The following RIF1 variants were observed in gnomAD, a reference collection of about 807,000 sequenced individuals.
RIF1 encodes the protein replication timing regulatory factor 1, also known as telomere-associated protein RIF1.
Under a neutral mutation model 247.1 loss-of-function variants are expected in RIF1, and 45 were observed. That is an observed-to-expected ratio of 0.18 (90% CI 0.14 to 0.23). The LOEUF (loss-of-function observed/expected upper bound fraction) is 0.23, where lower values mean the gene tolerates loss of function less well. Among genes scored for constraint, RIF1 ranks in the 10% least tolerant of loss-of-function variants. The pLI, the probability that RIF1 is intolerant of heterozygous loss-of-function variation, is 1.00. For missense variants in RIF1, 2,967 were observed against 2,862.5 expected (o/e 1.04, Z -0.83); for synonymous variants, 1,087 against 978.8 (o/e 1.11, Z -2.06).
At chr2:151,489,877 G>T in intron 9 of RIF1, 1 of 897,294 alleles carries the variant, frequency 1.1e-6, no homozygotes, top group Non-Finnish European at 1.7e-6. Context: ...AGAAGGTTTG[G>T]TTAAAAAAAA....
At chr2:151,509,979 CAA>C (rs2072810003), downstream of RIF1, among the ~76,000 whole-genome samples, 1 of 152,186 alleles carries the variant, frequency 6.6e-6, no homozygotes, top group Non-Finnish European at 1.5e-5. Context: ...CTCAAAATTA[CAA>C]AGTTTTTCAG....
In RIF1 at chr2:151,437,127, TC is replaced by T. The variant is rs2152342396; in HGVS notation, c.1373-113del. On this transcript the variant is annotated intron_variant, in intron 12 of 35. Transcript: ENST00000444746. Reference sequence around the variant, plus strand: ...TTTACAGTTGTGTATGAAATATGAATCTTTTTTTTATAGAAAACACACCTAC... The same window carrying T: ...TTTACAGTTGTGTATGAAATATGAATTTTTTTTTATAGAAAACACACCTAC... 1.2e-5 allele frequency: 15 copies of T among 1,217,790 alleles called. No homozygotes were observed. In the South Asian group the frequency reaches 1.6e-4, roughly 13 times the overall value. The allele number at this position is 1,217,790 out of a possible 1,614,324, so 75.4% of individuals were successfully genotyped here. A position where few individuals can be genotyped will look rare whatever the true frequency, so the allele number is the denominator to read the frequency against.
chr2:151,487,371 TG>T (rs1392978481), intron 9 of RIF1, among the ~76,000 whole-genome samples: 2 of 152,236 alleles, frequency 1.3e-5, no homozygotes, highest in African/African-American at 4.8e-5. Context: ...GGTTTTTTCT[TG>T]CATTTTGAAA....
In RIF1 at chr2:151,463,161, C is replaced by G. The variant is rs772001320; in HGVS notation, c.3641C>G (p.Pro1214Arg). ...NTTVAGTPPY[P>R]TSRRQTFITL... is the part of the protein sequence containing the mutation. ...ACTGTTGCTGGAACTCCCCCATACC[C>G]TACAAGTCGGAGGCAAACCTTTATT... Residue 1214 changes from proline (P) to arginine (R), a missense_variant, in exon 30 of 36, where the codon CCT becomes CGT. Physicochemically the swap from Pro to Arg is moderately radical, Grantham distance 103. Transcript: ENST00000444746. The G allele has an allele frequency of 9.9e-6, 16 of 1,614,104 alleles. No individual in the cohort carries two copies. The South Asian group carries it at 1.6e-4, about 17-fold the overall frequency.
chr2:151,473,290 TC>T (rs1377210343), intron 34 of RIF1, among the ~76,000 whole-genome samples: 2 of 144,180 alleles, frequency 1.4e-5, no homozygotes, highest in African/African-American at 2.5e-5. Context: ...GAAAATTGTA[TC>T]CTTTTTTTTT....
the RIF1 span, among the ~76,000 whole-genome samples, chr2:151,526,510 C>T: frequency 1.8e-4 from 27 of 152,280 alleles, no homozygotes; most frequent in African/African-American, 5.8e-4. Context: ...TCACAGCACG[C>T]TCAGATATGC....
At chr2:151,518,892 C>T in the RIF1 span, 4 of 929,318 alleles carry the variant, frequency 4.3e-6, no homozygotes, top group Admixed American at 5.7e-5. Context: ...GAAGAAGATG[C>T]ATCTGGGCTC....
At chr2:151,493,427 T>C in intron 9 of RIF1, 1 of 1,604,942 alleles carries the variant, frequency 6.2e-7, no homozygotes, top group East Asian at 2.2e-5. Flanking sequence ...GCTTTTCTCA[T>C]GTTCTCTTTG....
chr2:151,473,026 G>T (rs959689133), intron 34 of RIF1, among the ~76,000 whole-genome samples: 1 of 151,968 alleles, frequency 6.6e-6, no homozygotes, highest in Non-Finnish European at 1.5e-5. Context: ...TGAATAATAT[G>T]CATTATATGT....
rs748370202 is a variant in RIF1 at position 151,464,587 on chromosome 2, T to G, written c.5067T>G (p.Phe1689Leu). Residue 1689 changes from phenylalanine to leucine, a missense_variant, in exon 30 of 36, where the codon TTT (phenylalanine) becomes TTG (leucine). By Grantham distance (22) the Phe-to-Leu change is conservative. Around this residue, in one of 7 missense-constraint regions of RIF1, gnomAD observed 2,028 missense variants for 1,825.6 expected, o/e 1.11. Transcript: ENST00000444746. ...AGAGATTACATAAGCGAGACTCTTTTGATAATTGTAGTTTGGGAGAATCCT... is the reference window on the plus strand; with the variant it reads ...AGAGATTACATAAGCGAGACTCTTTGGATAATTGTAGTTTGGGAGAATCCT... ...AIKRLHKRDS[F>L]DNCSLGESSK... 2.5e-6 allele frequency: 4 copies of G among 1,613,546 alleles called. No individual in the cohort carries two copies. Among genetic ancestry groups the G allele is most frequent in the Non-Finnish European group, 3.4e-6 (4 of 1,179,664 alleles).
In RIF1 at chr2:151,458,803, T is replaced by C. The variant is rs774683908; in HGVS notation, c.2856-8T>C. ...CTTAAGGTATATATTTTATGTACTT[T>C]TTTAAAGACCAGTACTAACACAAGC... On this transcript the variant is annotated splice_region_variant and splice_polypyrimidine_tract_variant and intron_variant, in intron 24 of 35. Coordinates refer to ENST00000444746, the MANE Select transcript of RIF1 (RefSeq NM_018151.5). 2.2e-5 allele frequency: 35 copies of C among 1,569,998 alleles called. No individual in the cohort carries two copies. Among genetic ancestry groups the C allele is most frequent in the Non-Finnish European group, 3.0e-5 (34 of 1,145,578 alleles).
the RIF1 span, chr2:151,524,176 A>G: frequency 5.5e-6 from 4 of 724,660 alleles, no homozygotes; most frequent in African/African-American, 3.5e-5. Context: ...TGCACTTTTT[A>G]TAACTCTTGG....
chr2:151,502,788 A>G, intron 11 of RIF1: 1 of 1,569,570 alleles, frequency 6.4e-7, no homozygotes, highest in Non-Finnish European at 8.8e-7. Context: ...CCCCCTAAGA[A>G]ATACCGAGCT....
At chr2:151,466,963 C>T (rs1402115144) in intron 30 of RIF1, among the ~76,000 whole-genome samples, 1 of 152,128 alleles carries the variant, frequency 6.6e-6, no homozygotes, top group Non-Finnish European at 1.5e-5. Flanking sequence ...TAGCTCACAC[C>T]TGTAATCCCA....
intron 29 of RIF1, 83 bp from the exon 30 acceptor site, chr2:151,462,801 A>T: frequency 9.5e-7 from 1 of 1,057,930 alleles, no homozygotes; most frequent in Non-Finnish European, 1.4e-6. Context: ...CCGAAGTTTT[A>T]CACTAAAGTT....
In RIF1 at chr2:151,479,888, C is replaced by G. The variant is rs955798854; in HGVS notation, c.*4817C>G. On this transcript the variant is annotated 3_prime_UTR_variant, in exon 36 of 36. Transcript: ENST00000444746. ...TCTGTAAAACAAATTGGGTTTCGTG[C>G]TTTCTGATGTCCAGTTAATAAGTAT... The G allele has an allele frequency of 1.3e-5, 2 of 152,148 alleles. No individual in the cohort carries two copies. Among genetic ancestry groups the G allele is most frequent in the Admixed American group, 6.5e-5 (1 of 15,286 alleles). 9.4% of individuals were successfully genotyped at this position (152,148 alleles called of 1,614,324 possible). A position where few individuals can be genotyped will look rare whatever the true frequency, so the allele number is the denominator to read the frequency against.
At chr2:151,441,480 G>A (rs754177463) in intron 15 of RIF1, among the ~76,000 whole-genome samples, 41 of 152,142 alleles carry the variant, frequency 2.7e-4, no homozygotes, top group Non-Finnish European at 2.2e-4. Context: ...CAAAAATTCC[G>A]TAACAAGGTA....
rs1374593494 is a variant in RIF1, at chr2:151,465,743, A to G, written c.6223A>G (p.Thr2075Ala). The G allele has an allele frequency of 3.7e-6, 6 of 1,613,950 alleles. No individual in the cohort carries two copies. In the South Asian group the frequency reaches 4.4e-5, roughly 12 times the overall value. ...NFVCDTVEMS[T>A]EEGIIDANKT... ...TGTTTGTGACACAGTTGAAATGAGC[A>G]CTGAAGAAGGAATCATTGACGCTAA... Residue 2075 changes from threonine to alanine, a missense_variant, in exon 30 of 36, where the codon ACT (threonine) becomes GCT (alanine). Transcript: ENST00000444746.
At chr2:151,416,158 A>G (rs957221318) in intron 4 of RIF1, among the ~76,000 whole-genome samples, 3 of 152,226 alleles carry the variant, frequency 2.0e-5, no homozygotes. Context: ...AGTTGTTACC[A>G]TCTGTTTTTG....
Sources: allele counts gnomAD v4.1 joint callset (sites outside exome capture counted in the v4.1 genomes callset), GRCh38; gene constraint gnomAD v4.1.1; regional missense constraint gnomAD v4.1.1; transcripts MANE v1.5; gene names NCBI Gene and HGNC (gene_info 2026-07-23, HGNC 2026-07-21).